STRBP: variants seen among roughly 807,000 people sequenced by gnomAD.
The protein encoded by STRBP is spermatid perinuclear RNA binding protein, also known as spermatid perinuclear RNA-binding protein.
In STRBP, 13 loss-of-function variants were observed where a neutral mutation model predicts 80.1. The observed-to-expected ratio is 0.16, with a 90% CI of 0.11 to 0.26. STRBP has a LOEUF of 0.26. Among genes scored for constraint, STRBP ranks in the 10% least tolerant of loss-of-function variants. STRBP has a pLI of 1.00. For synonymous variants in STRBP, 284 were observed against 291.2 expected (o/e 0.98, Z 0.25); for missense variants, 485 against 815.2 (o/e 0.59, Z 4.93).
chr9:123,247,271 T>C (rs1238128496), intron 1 of STRBP, among the ~76,000 whole-genome samples: 1 of 152,106 alleles, frequency 6.6e-6, no homozygotes, highest in African/African-American at 2.4e-5. Flanking sequence ...CCAGCTGTAC[T>C]TTTTTTCTTT....
downstream of STRBP, among the ~76,000 whole-genome samples, chr9:123,118,945 ATCG>A (rs2035687696): frequency 6.6e-6 from 1 of 152,204 alleles, no homozygotes; most frequent in Non-Finnish European, 1.5e-5. Flanking sequence ...TTTTCCTCTT[ATCG>A]AAAAAAAGCA....
intron 6 of STRBP, among the ~76,000 whole-genome samples, chr9:123,163,826 C>A (rs2037631109): frequency 6.6e-6 from 1 of 152,092 alleles, no homozygotes; most frequent in Admixed American, 6.5e-5. Flanking sequence ...TTTAATATTT[C>A]TGAACTTTAA....
chr9:123,231,219 C>T (rs1185190862), intron 2 of STRBP, among the ~76,000 whole-genome samples: 2 of 152,072 alleles, frequency 1.3e-5, no homozygotes, highest in Non-Finnish European at 2.9e-5. Flanking sequence ...CTAACCTAAT[C>T]CTTTCACCTG....
At chr9:123,214,741 T>A (rs776981946) in intron 2 of STRBP, among the ~76,000 whole-genome samples, 7 of 152,190 alleles carry the variant, frequency 4.6e-5, no homozygotes, top group Non-Finnish European at 1.0e-4. Flanking sequence ...CAGACAACTG[T>A]ACCTACCTAT....
In STRBP at chr9:123,123,800, A is replaced by C; in HGVS notation, c.*1797T>G. 1.0e-6 allele frequency: 1 copy of C among 985,454 alleles called. No individual in the cohort carries two copies. The highest frequency in any genetic ancestry group is 1.2e-6 in the Non-Finnish European group (1 of 829,938). 61.0% of individuals were successfully genotyped at this position (985,454 alleles called of 1,614,324 possible). On this transcript the variant is annotated 3_prime_UTR_variant, in exon 19 of 19. Coordinates refer to ENST00000348403, the MANE Select transcript of STRBP (RefSeq NM_018387.5). ...GACTACTGTAAAGATTTAATTAATA[A>C]AAACTGGACACTATCAGCCATGCTT...
At chr9:123,254,382 A>G (rs1220603473) in intron 1 of STRBP, among the ~76,000 whole-genome samples, 1 of 146,676 alleles carries the variant, frequency 6.8e-6, no homozygotes, top group Non-Finnish European at 1.5e-5. Flanking sequence ...AATGGCATGA[A>G]CCCGGGAGGC....
chr9:123,241,102 C>T (rs1310082406), intron 1 of STRBP, among the ~76,000 whole-genome samples: 2 of 151,776 alleles, frequency 1.3e-5, no homozygotes, highest in Non-Finnish European at 2.9e-5. Flanking sequence ...TCACTTGAAC[C>T]CAGGTGGCGG....
At chr9:123,220,086 T>C (rs1006138113) in intron 2 of STRBP, among the ~76,000 whole-genome samples, 2 of 152,018 alleles carry the variant, frequency 1.3e-5, no homozygotes, top group Non-Finnish European at 2.9e-5. Context: ...TTATTACAGA[T>C]AAAAAATTAG....
At chr9:123,113,475 AG>A (rs1564203494) in intron 3 of STRBP, 1 of 167,194 alleles carries the variant, frequency 6.0e-6, no homozygotes, top group Non-Finnish European at 1.5e-5. Flanking sequence ...ATTCACCCTC[AG>A]CCCTTCTCTT....
intron 2 of STRBP, among the ~76,000 whole-genome samples, chr9:123,233,275 A>T (rs1394644408): frequency 6.6e-6 from 1 of 152,022 alleles, no homozygotes; most frequent in African/African-American, 2.4e-5. Context: ...GGGTCTCACT[A>T]CGTTGCCCAG....
At chr9:123,175,831 C>T (rs958329955) in intron 4 of STRBP, among the ~76,000 whole-genome samples, 1 of 152,178 alleles carries the variant, frequency 6.6e-6, no homozygotes, top group Non-Finnish European at 1.5e-5. Flanking sequence ...GTACTGTATA[C>T]AGCAACCAGA....
At chr9:123,164,836 T>C (rs1352101720) in intron 6 of STRBP, among the ~76,000 whole-genome samples, 1 of 152,136 alleles carries the variant, frequency 6.6e-6, no homozygotes, top group Non-Finnish European at 1.5e-5. Flanking sequence ...CCACTGTCCA[T>C]GCAAAACACA....
intron 3 of STRBP, chr9:123,113,005 G>T (rs995122039): frequency 1.2e-5 from 2 of 167,086 alleles, no homozygotes; most frequent in African/African-American, 4.8e-5. Context: ...GAAGAAGGAA[G>T]ATTCTGTAAA....
At chr9:123,263,524 CAAA>C (rs775297049) in intron 1 of STRBP, among the ~76,000 whole-genome samples, 4 of 64,212 alleles carry the variant, frequency 6.2e-5, no homozygotes, top group Admixed American at 3.4e-4. Context: ...GACCCTGTCT[CAAA>C]AAAAAAAAAA....
chr9:123,130,262 C>G (rs1487602550), intron 17 of STRBP, among the ~76,000 whole-genome samples: 3 of 152,118 alleles, frequency 2.0e-5, no homozygotes, highest in Admixed American at 2.0e-4. Context: ...ACAACAGTCC[C>G]TGCTGCACAG....
At chr9:123,215,193 A>G (rs947117852) in intron 2 of STRBP, among the ~76,000 whole-genome samples, 1 of 151,998 alleles carries the variant, frequency 6.6e-6, no homozygotes, top group African/African-American at 2.4e-5. Flanking sequence ...CAGCCTCCCA[A>G]GTAGCTAAGA....
intron 11 of STRBP, among the ~76,000 whole-genome samples, chr9:123,150,464 G>T (rs1249707392): frequency 3.3e-5 from 5 of 152,180 alleles, no homozygotes; most frequent in Admixed American, 3.3e-4. Flanking sequence ...CTACTCAGAA[G>T]GCTGAGGCAG....
chr9:123,128,340 A>G, intron 17 of STRBP, 82 bp from the exon 18 acceptor site: 1 of 1,522,464 alleles, frequency 6.6e-7, no homozygotes, highest in South Asian at 1.1e-5. Flanking sequence ...CCACCTGCTC[A>G]GCACCCTGGG....
chr9:123,121,594 G>A (rs1013482111), downstream of STRBP: 1 of 147,496 alleles, frequency 6.8e-6, no homozygotes, highest in African/African-American at 2.5e-5. Context: ...CTTTTCCATA[G>A]TTACCATAAT....
Sources: gnomAD v4.1 joint callset for allele counts (sites outside exome capture counted in the v4.1 genomes callset) on GRCh38, gnomAD v4.1.1 for gene constraint, MANE v1.5 for transcripts, NCBI Gene and HGNC (gene_info 2026-07-23, HGNC 2026-07-21) for gene names.